The following RPL35 variants were observed in gnomAD, a reference collection of about 807,000 sequenced individuals.
RPL35 encodes the protein large ribosomal subunit protein uL29.
RPL35 carries 2 observed loss-of-function variants against 15.6 expected under a neutral mutation model. The observed-to-expected ratio is 0.13, with a 90% CI of 0.05 to 0.40. The LOEUF (loss-of-function observed/expected upper bound fraction) is 0.40. RPL35 is among the 10% of genes least tolerant of loss of function. RPL35 has a pLI of 0.99. For synonymous variants in RPL35, 93 were observed against 67.9 expected, an observed-to-expected ratio of 1.37 and a Z score of -1.82; for missense variants, 111 against 164.7, an observed-to-expected ratio of 0.67 and a Z score of 1.79.
rs1588037952 is a variant in RPL35 at position 124,861,540 on chromosome 9, G to C, written c.19C>G (p.Arg7Gly). 3 of 1,613,936 alleles carry C rather than the reference G, an allele frequency of 1.9e-6. No individual in the cohort carries two copies. The highest frequency in any genetic ancestry group is 1.7e-6 in the Non-Finnish European group (2 of 1,180,004). ...TCCTTCTTCTTCCCGCGAAGATCTC[G>C]AGCCTTGATCTTGGCCTGCGCGCAA... MAKIKA[R>G]DLRGKKKEEL... The change falls in exon 2 of 4, where the codon CGA becomes GGA. Residue 7 changes from arginine (R) to glycine (G), a missense_variant. By Grantham distance (125) the Arg-to-Gly change is moderately radical (BLOSUM62 -2). Coordinates refer to ENST00000348462, the MANE Select transcript of RPL35 (RefSeq NM_007209.4).
At chr9:124,858,174 C>G (rs1030634175) in intron 3 of RPL35, 107 bp from the exon 4 acceptor site, 2 of 1,133,336 alleles carry the variant, frequency 1.8e-6, no homozygotes, top group African/African-American at 3.3e-5. Flanking sequence ...GAGGAGGCTG[C>G]CACCATGGGA....
At chr9:124,861,378 C>G (rs1217463368) in intron 2 of RPL35, 41 bp downstream of exon 2, 1 of 1,586,554 alleles carries the variant, frequency 6.3e-7, no homozygotes, top group South Asian at 1.1e-5. Flanking sequence ...TGCACACGTG[C>G]TCCCCACCCA....
At chr9:124,861,219 G>A (rs1391307648) in intron 2 of RPL35, 200 bp downstream of exon 2, 1 of 641,322 alleles carries the variant, frequency 1.6e-6, no homozygotes, top group East Asian at 2.9e-5. Flanking sequence ...TGGGTCTCCG[G>A]GGATGCATTC....
Position 124,860,108 on chromosome 9 carries a change from T to A in RPL35, c.222+75A>T, listed in dbSNP as rs977245656. 6 of 1,122,266 alleles carry A rather than the reference T, an allele frequency of 5.3e-6. No individual in the cohort carries two copies. The African/African-American group carries it at 9.2e-5, about 17-fold the overall frequency. The allele number at this position is 1,122,266 out of a possible 1,614,324, so 69.5% of individuals were successfully genotyped here. ...GCCCACGCACCAAGAAAAACCTCTT[T>A]ACCATGTCCCCGGCCAGGGACGGCT... On this transcript the variant is annotated intron_variant, in intron 3 of 3. Transcript: ENST00000348462.
rs756753483 is a variant in RPL35, at chr9:124,858,012, C to T, written c.278G>A (p.Arg93His). ...LRPKKTRAMRRRLNKHEENLK... is the reference protein window; with the variant it reads ...LRPKKTRAMRHRLNKHEENLK... ...GTTCTCCTCGTGCTTGTTGAGCCGG[C>T]GGCGCATGGCACGTGTCTTCTTAGG... is the stretch of plus-strand genomic sequence containing the variant. Residue 93 changes from arginine (R) to histidine (H), a missense_variant, in exon 4 of 4, where the codon CGC becomes CAC. Coordinates refer to ENST00000348462, the MANE Select transcript of RPL35 (RefSeq NM_007209.4). 7 of 1,612,224 alleles carry T rather than the reference C, an allele frequency of 4.3e-6. No individual in the cohort carries two copies. Among genetic ancestry groups the T allele is most frequent in the South Asian group, 1.1e-5 (1 of 91,006 alleles).
chr9:124,861,091 T>C (rs924696017), intron 2 of RPL35: 2 of 289,510 alleles, frequency 6.9e-6, no homozygotes, highest in African/African-American at 4.4e-5. Context: ...CCATGTAAAA[T>C]AACTTACGCT....
intron 2 of RPL35, chr9:124,861,178 G>A (rs539414421): frequency 9.1e-5 from 45 of 491,920 alleles, no homozygotes; most frequent in Non-Finnish European, 1.1e-4. Context: ...GAAGGAAGGG[G>A]TCCGGGTAGG....
At chr9:124,858,177 C>A in intron 3 of RPL35, 110 bp from the exon 4 acceptor site, 1 of 1,075,404 alleles carries the variant, frequency 9.3e-7, no homozygotes, top group South Asian at 1.5e-5. Context: ...GAGGCTGCCA[C>A]CATGGGACTG....
Position 124,858,066 on chromosome 9 carries a change from C to T in RPL35, c.224G>A (p.Gly75Asp). The change falls in exon 4 of 4, where the codon GGC (glycine) becomes GAC (aspartate). Residue 75 changes from glycine to aspartate, a missense_variant and splice_region_variant. Transcript: ENST00000348462. ...QKENLRKFYK[G>D]KKYKPLDLRP... ...CAGGTCCAGGGGCTTGTACTTCTTG[C>T]CCTGGGAGACAGACGGCAGGGTGAA... The T allele has an allele frequency of 1.2e-6, 2 of 1,611,978 alleles. No individual in the cohort carries two copies. The highest frequency in any genetic ancestry group is 8.5e-7 in the Non-Finnish European group (1 of 1,179,808).
Position 124,858,040 on chromosome 9 carries a change from G to A in RPL35, c.250C>T (p.Arg84Trp), listed in dbSNP as rs1413243324. The A allele has an allele frequency of 2.5e-6, 4 of 1,612,418 alleles. No individual in the cohort carries two copies. The highest frequency in any genetic ancestry group is 2.5e-6 in the Non-Finnish European group (3 of 1,179,962). ...KGKKYKPLDLRPKKTRAMRRR... is the reference protein window; with the variant it reads ...KGKKYKPLDLWPKKTRAMRRR... Reference sequence around the variant, plus strand: ...CGCATGGCACGTGTCTTCTTAGGCCGCAGGTCCAGGGGCTTGTACTTCTTG... The same window carrying A: ...CGCATGGCACGTGTCTTCTTAGGCCACAGGTCCAGGGGCTTGTACTTCTTG... Residue 84 changes from arginine to tryptophan, a missense_variant, in exon 4 of 4, where the codon CGG (arginine) becomes TGG (tryptophan). Arg to Trp is a moderately radical substitution (Grantham distance 101). Coordinates refer to ENST00000348462, the MANE Select transcript of RPL35 (RefSeq NM_007209.4).
At chr9:124,858,105 G>A (rs754334003) in intron 3 of RPL35, 38 bp from the exon 4 acceptor site, 1 of 1,600,830 alleles carries the variant, frequency 6.2e-7, no homozygotes, top group Non-Finnish European at 8.5e-7. Flanking sequence ...AAGGACCCAG[G>A]GCTGAGGAGC....
chr9:124,861,755 C>T, intron 1 of RPL35, 155 bp downstream of exon 1: 3 of 1,347,408 alleles, frequency 2.2e-6, no homozygotes, highest in South Asian at 2.9e-5. Context: ...CTCCCGGCGC[C>T]AAGCGAAGAG....
intron 3 of RPL35, 69 bp from the exon 4 acceptor site, chr9:124,858,136 C>T: frequency 6.5e-7 from 1 of 1,535,402 alleles, no homozygotes; most frequent in Non-Finnish European, 8.8e-7. Context: ...GCTAAGGGGG[C>T]TGGGGAGGGC....
chr9:124,860,052 A>T (rs1415362038), intron 3 of RPL35, 131 bp downstream of exon 3: 1 of 699,100 alleles, frequency 1.4e-6, no homozygotes, highest in Non-Finnish European at 2.6e-6. Context: ...GAGTGAGCCC[A>T]GCAACAAATT....
intron 2 of RPL35, 142 bp from the exon 3 acceptor site, chr9:124,860,406 G>T: frequency 2.8e-6 from 2 of 704,764 alleles, no homozygotes; most frequent in Non-Finnish European, 5.2e-6. Flanking sequence ...TTCTGGGAGT[G>T]AGGTCTGAGG....
intron 2 of RPL35, among the ~76,000 whole-genome samples, 156 bp from the exon 3 acceptor site, chr9:124,860,420 G>A (rs1315982413): frequency 6.6e-6 from 1 of 152,218 alleles, no homozygotes; most frequent in Non-Finnish European, 1.5e-5. Flanking sequence ...TCTGAGGAGG[G>A]AAGAGAGGGG....
chr9:124,861,760 G>C, intron 1 of RPL35, 150 bp downstream of exon 1: 1 of 1,333,524 alleles, frequency 7.5e-7, no homozygotes, highest in African/African-American at 1.5e-5. Context: ...GGCGCCAAGC[G>C]AAGAGGCGGG....
At chr9:124,860,374 A>G in intron 2 of RPL35, 110 bp from the exon 3 acceptor site, 1 of 892,042 alleles carries the variant, frequency 1.1e-6, no homozygotes, top group Non-Finnish European at 1.9e-6. Flanking sequence ...CAACCCATCC[A>G]TATTCACTCA....
At position 124,861,926 on chromosome 9, in the gene RPL35, G is replaced by T. The variant is rs755742447; in HGVS notation, c.-14C>A. 29 of 1,598,712 alleles carry T rather than the reference G, an allele frequency of 1.8e-5. No homozygotes were observed. Among genetic ancestry groups the T allele is most frequent in the Admixed American group, 3.4e-5 (2 of 58,638 alleles). On this transcript the variant is annotated 5_prime_UTR_variant, in exon 1 of 4. Coordinates refer to ENST00000348462, the MANE Select transcript of RPL35 (RefSeq NM_007209.4). Reference sequence around the variant, plus strand: ...AGCTCTCACCATTGCTGCACAAGCCGCCAACGCCGCCGCCCGCTCCGAGGG... The same window carrying T: ...AGCTCTCACCATTGCTGCACAAGCCTCCAACGCCGCCGCCCGCTCCGAGGG...
Sources: allele counts gnomAD v4.1 joint callset (sites outside exome capture counted in the v4.1 genomes callset), GRCh38; gene constraint gnomAD v4.1.1; transcripts MANE v1.5; gene names NCBI Gene and HGNC (gene_info 2026-07-23, HGNC 2026-07-21).